Variants in AJAP1 observed in about 807,000 individuals in gnomAD.
The protein encoded by AJAP1 is adherens junctions associated protein 1, also known as adherens junction-associated protein 1.
In AJAP1, 5 loss-of-function variants were observed where a neutral mutation model predicts 35.0. The ratio of observed to expected loss-of-function variants is 0.14; its 90% confidence interval spans 0.07 to 0.30. AJAP1 has a LOEUF of 0.30. AJAP1 is among the 10% of genes least tolerant of loss of function. The pLI is 1.00. For synonymous variants in AJAP1, 284 were observed against 249.3 expected, an observed-to-expected ratio of 1.14 and a Z score of -1.31; for missense variants, 586 against 571.0, an observed-to-expected ratio of 1.03 and a Z score of -0.27.
chr1:4,766,060 A>G (rs1014616577), intron 2 of AJAP1, among the ~76,000 whole-genome samples: 2 of 152,236 alleles, frequency 1.3e-5, no homozygotes, highest in African/African-American at 4.8e-5. Context: ...ATATGCTTTT[A>G]TTTAATCTAT....
intron 4 of AJAP1, among the ~76,000 whole-genome samples, chr1:4,773,403 G>C (rs1641882053): frequency 2.0e-5 from 3 of 152,216 alleles, no homozygotes; most frequent in African/African-American, 7.2e-5. Flanking sequence ...AGGGAGGACT[G>C]CCGGGGCTGC....
At position 4,782,307 on chromosome 1, in the gene AJAP1, C is replaced by A. The variant is rs1313502547; in HGVS notation, c.*60-238C>A. Among the ~76,000 whole-genome samples the A allele has an allele frequency of 2.0e-5, 3 of 152,290 alleles. No individual in the cohort carries two copies. Among genetic ancestry groups the A allele is most frequent in the South Asian group, 4.1e-4 (2 of 4,826 alleles). The stretch of plus-strand genomic sequence containing the variant: ...TGACCAGAATTCCACAAGGTTCAGG[C>A]TCCCACTTCATACCCTTGGGATTCC... On this transcript the variant is annotated intron_variant, in intron 5 of 5. Transcript: ENST00000378191. This position sits in a 1 kb window ranked among gnomAD's most constrained non-coding sequence, Gnocchi z 5.3.
chr1:4,750,103 A>G (rs893082874), intron 2 of AJAP1, among the ~76,000 whole-genome samples: 1 of 150,552 alleles, frequency 6.6e-6, no homozygotes, highest in Admixed American at 6.6e-5. Context: ...TATATGCTAG[A>G]GCATATGTGT....
intron 1 of AJAP1, among the ~76,000 whole-genome samples, chr1:4,667,363 C>G (rs1339385836): frequency 6.6e-6 from 1 of 152,186 alleles, no homozygotes; most frequent in Non-Finnish European, 1.5e-5. Context: ...AACCAGCCAC[C>G]TGCCCCTGCC....
At chr1:4,677,980 G>A (rs79844026) in intron 1 of AJAP1, among the ~76,000 whole-genome samples, 7,629 of 152,274 alleles carry the variant, frequency 0.05, 271 homozygotes, top group South Asian at 0.078. Flanking sequence ...CGTAGAGGAT[G>A]TCGATCAGCC....
chr1:4,663,231 A>G (rs981589999), intron 1 of AJAP1, among the ~76,000 whole-genome samples: 3 of 152,134 alleles, frequency 2.0e-5, no homozygotes, highest in African/African-American at 7.2e-5. Context: ...ATCCCACCTC[A>G]GCCTCCTAGA....
chr1:4,739,954 G>A (rs1641019332), intron 2 of AJAP1, among the ~76,000 whole-genome samples: 1 of 152,188 alleles, frequency 6.6e-6, no homozygotes, highest in African/African-American at 2.4e-5. Context: ...TCCCACCATG[G>A]TGGCCACTCC....
intron 1 of AJAP1, among the ~76,000 whole-genome samples, chr1:4,684,514 T>A (rs529208259): frequency 6.6e-6 from 1 of 152,282 alleles, no homozygotes; most frequent in Non-Finnish European, 1.5e-5. Context: ...GGGAGTACCT[T>A]GAGCACATTC....
chr1:4,768,910 C>G (rs1216889834), intron 2 of AJAP1, among the ~76,000 whole-genome samples: 1 of 152,192 alleles, frequency 6.6e-6, no homozygotes, highest in African/African-American at 2.4e-5. Context: ...GGAGCTGTTG[C>G]AGGCCTGCCC....
In AJAP1 at chr1:4,692,418, C is replaced by T. The variant is rs188562219; in HGVS notation, c.30-19482C>T. Among the ~76,000 whole-genome samples the T allele has an allele frequency of 3.9e-5, 6 of 152,318 alleles. No individual in the cohort carries two copies. The highest frequency in any genetic ancestry group is 2.6e-4 in the Admixed American group (4 of 15,308). On this transcript the variant is annotated intron_variant, in intron 1 of 5. Coordinates refer to ENST00000378191, the MANE Select transcript of AJAP1 (RefSeq NM_018836.4). This position sits in a 1 kb window ranked among gnomAD's most constrained non-coding sequence, Gnocchi z 4.4. ...TGAGGGTGCAGCAGAGGGATATAGC[C>T]TCCGTGGGACTCATCATTACGAGGA...
Position 4,698,924 on chromosome 1 carries a change from T to C in AJAP1, c.30-12976T>C, listed in dbSNP as rs539547212. On this transcript the variant is annotated intron_variant, in intron 1 of 5. Coordinates refer to ENST00000378191, the MANE Select transcript of AJAP1 (RefSeq NM_018836.4). ...CCAGCGGGGAGTGGCTTGGGCAGGG[T>C]TGCAGGCAGCTAAGGGGTCCTAGGT... Among the ~76,000 whole-genome samples, 3 of 152,228 alleles carry C rather than the reference T, an allele frequency of 2.0e-5. No individual in the cohort carries two copies. The East Asian group carries it at 5.8e-4, about 29-fold the overall frequency.
intron 4 of AJAP1, 152 bp from the exon 5 acceptor site, chr1:4,774,275 G>C (rs1243025498): frequency 8.6e-5 from 57 of 664,828 alleles, no homozygotes; most frequent in Non-Finnish European, 1.3e-4. Context: ...CAGGGAATGT[G>C]GGGGGTGGTC....
chr1:4,779,917 G>A (rs533987567), intron 5 of AJAP1, among the ~76,000 whole-genome samples: 12 of 152,172 alleles, frequency 7.9e-5, no homozygotes, highest in African/African-American at 2.2e-4. Context: ...GGCTGAGGCC[G>A]GCGGATCACC....
rs981901195 is a variant in AJAP1 at position 4,785,769 on chromosome 1, T to C, written c.*3284T>C. 3 of 152,172 alleles carry C rather than the reference T, an allele frequency of 2.0e-5. No homozygotes were observed. The highest frequency in any genetic ancestry group is 7.2e-5 in the African/African-American group (3 of 41,444). 9.4% of individuals were successfully genotyped at this position (152,172 alleles called of 1,614,324 possible). ...CTGGTCCTTTCCTTTGCTTGAGCTT[T>C]TATTCCTCAAGAAAAGAACTCCAAG... On this transcript the variant is annotated 3_prime_UTR_variant, in exon 6 of 6. Coordinates refer to ENST00000378191, the MANE Select transcript of AJAP1 (RefSeq NM_018836.4).
intron 2 of AJAP1, among the ~76,000 whole-genome samples, chr1:4,765,215 A>G (rs1231554125): frequency 6.6e-6 from 1 of 152,188 alleles, no homozygotes; most frequent in Non-Finnish European, 1.5e-5. Context: ...AAAGAGTTTG[A>G]AGATGTGATT....
chr1:4,660,548 T>C (rs1160338858), intron 1 of AJAP1, among the ~76,000 whole-genome samples: 2 of 152,016 alleles, frequency 1.3e-5, no homozygotes, highest in African/African-American at 2.4e-5. Flanking sequence ...AAATTAAAGG[T>C]TTAATTAAAA....
intron 1 of AJAP1, among the ~76,000 whole-genome samples, chr1:4,703,336 G>A (rs1640030858): frequency 6.6e-6 from 1 of 152,152 alleles, no homozygotes; most frequent in South Asian, 2.1e-4. Flanking sequence ...AGTAGAGGGG[G>A]TTGGCCTCTG....
At chr1:4,713,004 C>G (rs568120012) in intron 2 of AJAP1, among the ~76,000 whole-genome samples, 9 of 152,220 alleles carry the variant, frequency 5.9e-5, no homozygotes, top group South Asian at 4.2e-4. Flanking sequence ...TGTTACAGAC[C>G]GGTGGAATCC....
chr1:4,668,686 T>C (rs1274038185), intron 1 of AJAP1, among the ~76,000 whole-genome samples: 2 of 151,738 alleles, frequency 1.3e-5, no homozygotes, highest in Non-Finnish European at 2.9e-5. Context: ...TCCTGGGGAG[T>C]GTGGGGCTCA....
Sources: allele counts gnomAD v4.1 joint callset (sites outside exome capture counted in the v4.1 genomes callset), GRCh38; gene constraint gnomAD v4.1.1; non-coding constraint Gnocchi (gnomAD v3.1); transcripts MANE v1.5; gene names NCBI Gene and HGNC (gene_info 2026-07-23, HGNC 2026-07-21).